SRPK2: variants seen among roughly 807,000 people sequenced by gnomAD.
SRPK2 encodes SFRS protein kinase 2.
SRPK2 carries 21 observed loss-of-function variants against 90.8 expected under a neutral mutation model. The ratio of observed to expected loss-of-function variants is 0.23; its 90% confidence interval spans 0.16 to 0.33. The LOEUF (loss-of-function observed/expected upper bound fraction) is 0.33. Ranked by LOEUF, SRPK2 falls within the 10% of genes least tolerant of loss-of-function variation. The pLI is 1.00. For synonymous variants in SRPK2, 288 were observed against 311.1 expected (o/e 0.93, Z 0.78); for missense variants, 620 against 869.0 (o/e 0.71, Z 3.60).
At chr7:105,326,826 T>C (rs1456416092) in intron 2 of SRPK2, among the ~76,000 whole-genome samples, 1 of 151,960 alleles carries the variant, frequency 6.6e-6, no homozygotes, top group African/African-American at 2.4e-5. Flanking sequence ...CTTTGGCAGG[T>C]GGAGGCAGGT....
At chr7:105,244,983 G>A (rs1801405759) in intron 2 of SRPK2, 1 of 1,131,442 alleles carries the variant, frequency 8.8e-7, no homozygotes, top group African/African-American at 1.6e-5. Flanking sequence ...CCCCTTCCCT[G>A]CCCTCTCCCT....
chr7:105,286,507 C>T (rs962346445), intron 2 of SRPK2, among the ~76,000 whole-genome samples: 3 of 152,106 alleles, frequency 2.0e-5, no homozygotes, highest in Non-Finnish European at 4.4e-5. Flanking sequence ...GTAATTTGGG[C>T]ATTCTAAGAC....
intron 2 of SRPK2, among the ~76,000 whole-genome samples, chr7:105,289,482 G>C (rs879430303): frequency 6.6e-6 from 1 of 152,118 alleles, no homozygotes; most frequent in Non-Finnish European, 1.5e-5. Flanking sequence ...TGATACCATA[G>C]ACTATTAAGT....
chr7:105,331,183 A>G (rs1814277827), intron 2 of SRPK2, among the ~76,000 whole-genome samples: 1 of 151,658 alleles, frequency 6.6e-6, no homozygotes, highest in South Asian at 2.1e-4. Context: ...GTGGTGCATG[A>G]CTGTAATCCC....
At chr7:105,168,925 A>G (rs1487109560) in intron 4 of SRPK2, among the ~76,000 whole-genome samples, 1 of 152,166 alleles carries the variant, frequency 6.6e-6, no homozygotes, top group African/African-American at 2.4e-5. Flanking sequence ...GTGTAAAACA[A>G]TTTCAATGAA....
chr7:105,212,843 A>C (rs934642662), intron 2 of SRPK2, among the ~76,000 whole-genome samples: 1 of 152,202 alleles, frequency 6.6e-6, no homozygotes, highest in Non-Finnish European at 1.5e-5. Context: ...GGATTCAAAC[A>C]ACTATGGATC....
chr7:105,307,954 TCTC>T (rs1359074181), intron 2 of SRPK2, among the ~76,000 whole-genome samples: 1 of 152,182 alleles, frequency 6.6e-6, no homozygotes, highest in East Asian at 1.9e-4. Flanking sequence ...CCATCATGTA[TCTC>T]CTAAGATTGT....
At chr7:105,374,088 A>G (rs941947684) in intron 2 of SRPK2, among the ~76,000 whole-genome samples, 2 of 151,928 alleles carry the variant, frequency 1.3e-5, no homozygotes, top group African/African-American at 4.8e-5. Flanking sequence ...CACCACGCCC[A>G]GCTAATTTTT....
At chr7:105,346,857 T>TAA (rs34287828) in intron 2 of SRPK2, among the ~76,000 whole-genome samples, 1,513 of 137,224 alleles carry the variant, frequency 0.011, 9 homozygotes, top group Middle Eastern at 0.023. Context: ...TCTCATTTGT[T>TAA]AAAAAAAAAA....
chr7:105,162,281 A>T (rs1230259054), intron 6 of SRPK2, among the ~76,000 whole-genome samples: 2 of 152,178 alleles, frequency 1.3e-5, no homozygotes, highest in Admixed American at 1.3e-4. Context: ...ATCTCAAGTG[A>T]TCCACACACC....
intron 2 of SRPK2, among the ~76,000 whole-genome samples, chr7:105,292,753 G>A (rs938436615): frequency 6.6e-6 from 1 of 152,122 alleles, no homozygotes; most frequent in African/African-American, 2.4e-5. Context: ...ATTTGATCCT[G>A]TTGAGAAAAC....
chr7:105,159,878 A>G (rs757135291), intron 7 of SRPK2, among the ~76,000 whole-genome samples: 5 of 152,246 alleles, frequency 3.3e-5, no homozygotes, highest in Non-Finnish European at 5.9e-5. Flanking sequence ...AGTAGTGTAC[A>G]TGTCTTGAAA....
intron 2 of SRPK2, among the ~76,000 whole-genome samples, chr7:105,205,534 C>T (rs1796114384): frequency 7.6e-6 from 1 of 130,942 alleles, no homozygotes; most frequent in Non-Finnish European, 1.5e-5. Flanking sequence ...CACACACACA[C>T]ACACACACAC....
At chr7:105,139,919 G>C (rs1803453794) in intron 11 of SRPK2, among the ~76,000 whole-genome samples, 1 of 151,198 alleles carries the variant, frequency 6.6e-6, no homozygotes, top group Non-Finnish European at 1.5e-5. Context: ...TGTCTGCAGG[G>C]GAACTGGTTC....
At chr7:105,177,291 TG>T (rs1462396434) in intron 3 of SRPK2, among the ~76,000 whole-genome samples, 3 of 152,012 alleles carry the variant, frequency 2.0e-5, no homozygotes, top group African/African-American at 7.2e-5. Context: ...TTTTCTTCAC[TG>T]AAAAAAAAAT....
At chr7:105,204,655 C>T (rs1192656524) in intron 2 of SRPK2, 2 of 946,766 alleles carry the variant, frequency 2.1e-6, no homozygotes. Flanking sequence ...CATGTGAGTG[C>T]CATTCCTTGG....
chr7:105,272,818 T>A (rs533800734), intron 2 of SRPK2, among the ~76,000 whole-genome samples: 1 of 152,344 alleles, frequency 6.6e-6, no homozygotes, highest in African/African-American at 2.4e-5. Flanking sequence ...ATAAGCCTAA[T>A]GTCTTCTTAT....
intron 2 of SRPK2, among the ~76,000 whole-genome samples, chr7:105,205,143 G>A (rs185125394): frequency 2.6e-5 from 4 of 152,142 alleles, no homozygotes; most frequent in Non-Finnish European, 5.9e-5. Flanking sequence ...CCCAATCTGA[G>A]AGCCTCCAAC....
intron 2 of SRPK2, among the ~76,000 whole-genome samples, chr7:105,367,207 T>C (rs1212338321): frequency 6.6e-6 from 1 of 151,976 alleles, no homozygotes; most frequent in Non-Finnish European, 1.5e-5. Context: ...TTTACCAAGA[T>C]ACGCAATTTA....
Sources: gnomAD v4.1 joint callset for allele counts (sites outside exome capture counted in the v4.1 genomes callset) on GRCh38, gnomAD v4.1.1 for gene constraint, MANE v1.5 for transcripts, NCBI Gene and HGNC (gene_info 2026-07-23, HGNC 2026-07-21) for gene names.